Variants in KCNRG observed in about 807,000 individuals in gnomAD.
The protein encoded by KCNRG is potassium channel regulator.
In KCNRG, 17 loss-of-function variants were observed where a neutral mutation model predicts 17.7. The observed-to-expected ratio is 0.96, with a 90% CI of 0.66 to 1.44. The LOEUF (loss-of-function observed/expected upper bound fraction) is 1.44, where lower values mean the gene tolerates loss of function less well. Among genes scored for constraint, KCNRG ranks in the 40% most tolerant of loss-of-function variants. KCNRG has a pLI of 0.00. For missense variants in KCNRG, 311 were observed against 321.1 expected, an observed-to-expected ratio of 0.97 and a Z score of 0.24; for synonymous variants, 97 against 116.5, an observed-to-expected ratio of 0.83 and a Z score of 1.08.
chr13:50,019,377 G>A (rs991694482), intron 1 of KCNRG, among the ~76,000 whole-genome samples: 4 of 151,946 alleles, frequency 2.6e-5, no homozygotes, highest in South Asian at 4.1e-4. Context: ...GAGTTATTGC[G>A]TAAAAAGTGA....
In KCNRG at chr13:50,015,939, C is replaced by T. The variant is rs142559163; in HGVS notation, c.446C>T (p.Ala149Val). ...RITVFTEQPS[A>V]PTWNGNFFPP... Reference sequence around the variant, plus strand: ...ACAGTGTTTACAGAACAACCTTCAGCGCCGACCTGGAATGGTAACTTTTTC... The same window carrying T: ...ACAGTGTTTACAGAACAACCTTCAGTGCCGACCTGGAATGGTAACTTTTTC... Residue 149 changes from alanine (A) to valine (V), a missense_variant, in exon 1 of 2, where the codon GCG becomes GTG. Transcript: ENST00000312942. The T allele has an allele frequency of 6.9e-5, 112 of 1,613,916 alleles. No homozygotes were observed. The highest frequency in any genetic ancestry group is 1.0e-4 in the Admixed American group (6 of 59,990).
rs755650008 is a variant in KCNRG, at chr13:50,020,473, A to T, written c.*19A>T. 12 of 1,605,338 alleles carry T rather than the reference A, an allele frequency of 7.5e-6. No individual in the cohort carries two copies. In the South Asian group the frequency reaches 7.8e-5, roughly 10 times the overall value. On this transcript the variant is annotated 3_prime_UTR_variant, in exon 2 of 2. Transcript: ENST00000312942. ...GAAATGAAGTTGTCTATCCTCTTTTAAAGAGAAATTGCCATTTTTCTTGTT... is the reference window on the plus strand; with the variant it reads ...GAAATGAAGTTGTCTATCCTCTTTTTAAGAGAAATTGCCATTTTTCTTGTT...
At chr13:50,016,125 TA>T in intron 1 of KCNRG, 54 bp downstream of exon 1, 1 of 1,364,938 alleles carries the variant, frequency 7.3e-7, no homozygotes, top group African/African-American at 1.5e-5. Context: ...ATGTTTTCTC[TA>T]AAAACTTGAA....
At chr13:50,019,458 G>A (rs958293219) in intron 1 of KCNRG, among the ~76,000 whole-genome samples, 11 of 152,192 alleles carry the variant, frequency 7.2e-5, no homozygotes, top group South Asian at 2.1e-4. Context: ...GGAGTAAGTC[G>A]CAAAGGAAAA....
intron 1 of KCNRG, chr13:50,017,205 A>T (rs974224597): frequency 5.4e-5 from 9 of 167,078 alleles, no homozygotes; most frequent in South Asian, 2.1e-4. Flanking sequence ...CAAAAATGAA[A>T]TTTTTTTTGG....
intron 1 of KCNRG, among the ~76,000 whole-genome samples, chr13:50,019,597 TTA>T (rs1566453809): frequency 6.7e-6 from 1 of 149,658 alleles, no homozygotes; most frequent in African/African-American, 2.5e-5. Flanking sequence ...TTGGAAATAG[TTA>T]TATAAAAATT....
At chr13:50,017,830 A>G (rs1275821568) in intron 1 of KCNRG, 1 of 166,972 alleles carries the variant, frequency 6.0e-6, no homozygotes, top group Non-Finnish European at 1.5e-5. Context: ...GTCTATTCAG[A>G]TATTTTTTGG....
At chr13:50,019,446 T>C (rs1877007363) in intron 1 of KCNRG, among the ~76,000 whole-genome samples, 1 of 152,204 alleles carries the variant, frequency 6.6e-6, no homozygotes. Flanking sequence ...GTAAATTTCA[T>C]AGGAGTAAGT....
rs543670023 is a variant in KCNRG, at chr13:50,015,450, C to T, written c.-44C>T. 1.4e-6 allele frequency: 2 copies of T among 1,395,886 alleles called. No individual in the cohort carries two copies. The highest frequency in any genetic ancestry group is 2.6e-5 in the South Asian group (2 of 77,906). The allele number at this position is 1,395,886 out of a possible 1,614,324, so 86.5% of individuals were successfully genotyped here. A position where few individuals can be genotyped will look rare whatever the true frequency, so the allele number is the denominator to read the frequency against. ...ACATTTATGGTTATAGGTTGATTTCCTAAGTGTGGCTGATGGTAGCCTCTA... is the reference window on the plus strand; with the variant it reads ...ACATTTATGGTTATAGGTTGATTTCTTAAGTGTGGCTGATGGTAGCCTCTA... On this transcript the variant is annotated 5_prime_UTR_variant, in exon 1 of 2. Transcript: ENST00000312942.
chr13:50,019,477 G>C (rs1877010289), intron 1 of KCNRG, among the ~76,000 whole-genome samples: 1 of 152,172 alleles, frequency 6.6e-6, no homozygotes. Flanking sequence ...AATCCATAAT[G>C]TCAGTGCTAA....
chr13:50,017,345 G>A (rs1876734559), intron 1 of KCNRG: 2 of 167,012 alleles, frequency 1.2e-5, no homozygotes, highest in South Asian at 2.1e-4. Context: ...CTGGAAATAC[G>A]AAGTACTCTT....
Position 50,020,573 on chromosome 13 carries a change from C to A in KCNRG, c.*119C>A. ...ACTCTTGGCTTCATCTGCTGCCATG[C>A]CGTCTCTGGGCAACCAGGCCCCAAC... On this transcript the variant is annotated 3_prime_UTR_variant, in exon 2 of 2. Transcript: ENST00000312942. 9.2e-7 allele frequency: 1 copy of A among 1,092,650 alleles called. No homozygotes were observed. Among genetic ancestry groups the A allele is most frequent in the Non-Finnish European group, 1.3e-6 (1 of 763,108 alleles). The allele number at this position is 1,092,650 out of a possible 1,614,324, so 67.7% of individuals were successfully genotyped here. A position where few individuals can be genotyped will look rare whatever the true frequency, so the allele number is the denominator to read the frequency against.
chr13:50,016,110 TTG>T, intron 1 of KCNRG, 39 bp downstream of exon 1: 1 of 1,442,142 alleles, frequency 6.9e-7, no homozygotes, highest in African/African-American at 1.4e-5. Context: ...GTATACCAGT[TTG>T]TGATGTTTTC....
At chr13:50,019,824 G>A (rs1182116304) in intron 1 of KCNRG, among the ~76,000 whole-genome samples, 1 of 152,028 alleles carries the variant, frequency 6.6e-6, no homozygotes, top group African/African-American at 2.4e-5. Flanking sequence ...GATCACTTGA[G>A]GTCAGGAGTT....
chr13:50,019,500 T>C (rs1877011249), intron 1 of KCNRG, among the ~76,000 whole-genome samples: 1 of 152,156 alleles, frequency 6.6e-6, no homozygotes, highest in Admixed American at 6.5e-5. Context: ...ATTGATAAGA[T>C]TAGATCTGGA....
Position 50,015,563 on chromosome 13 carries a change from A to G in KCNRG, c.70A>G (p.Lys24Glu). Residue 24 changes from lysine to glutamate, a missense_variant, in exon 1 of 2, where the codon AAG becomes GAG. Transcript: ENST00000312942. Reference sequence around the variant, plus strand: ...ATTCACGACAAGGTTTTCTACGATAAAGCAGTTTCCTGCTTCTCGTTTGGC... The same window carrying G: ...ATTCACGACAAGGTTTTCTACGATAGAGCAGTTTCCTGCTTCTCGTTTGGC... Reference protein sequence around the residue: ...KIFTTRFSTIKQFPASRLARM... With the variant: ...KIFTTRFSTIEQFPASRLARM... The G allele has an allele frequency of 6.2e-7, 1 of 1,614,100 alleles. No individual in the cohort carries two copies. Among genetic ancestry groups the G allele is most frequent in the Non-Finnish European group, 8.5e-7 (1 of 1,179,982 alleles).
At chr13:50,020,124 C>T in intron 1 of KCNRG, 90 bp from the exon 2 acceptor site, 1 of 1,187,444 alleles carries the variant, frequency 8.4e-7, no homozygotes, top group Non-Finnish European at 1.2e-6. Context: ...AGGTATGATG[C>T]CTTTGAGGTT....
chr13:50,016,473 CACTA>C (rs1451569373), intron 1 of KCNRG: 1 of 195,888 alleles, frequency 5.1e-6, no homozygotes, highest in Non-Finnish European at 1.2e-5. Flanking sequence ...GTTCCTTACA[CACTA>C]TATAAGTTGT....
intron 1 of KCNRG, 85 bp downstream of exon 1, chr13:50,016,156 T>TC (rs1876535367): frequency 1.1e-6 from 1 of 898,946 alleles, no homozygotes; most frequent in African/African-American, 1.7e-5. Context: ...GCCTGTAACT[T>TC]CTGGAAAAGA....
Sources: gnomAD v4.1 joint callset for allele counts (sites outside exome capture counted in the v4.1 genomes callset) on GRCh38, gnomAD v4.1.1 for gene constraint, MANE v1.5 for transcripts, NCBI Gene and HGNC (gene_info 2026-07-23, HGNC 2026-07-21) for gene names.